The following PLEKHM3 variants were observed in gnomAD, a reference collection of about 807,000 sequenced individuals.
The protein encoded by PLEKHM3 is pleckstrin homology domain containing M3.
A neutral mutation model predicts 81.8 loss-of-function variants in PLEKHM3; 45 were observed. That is an observed-to-expected ratio of 0.55 (90% CI 0.43 to 0.71). The LOEUF (loss-of-function observed/expected upper bound fraction) is 0.71, where lower values mean the gene tolerates loss of function less well. PLEKHM3 is among the 30% of genes least tolerant of loss of function. The probability of loss-of-function intolerance (pLI) is 0.00; values close to 1 mark genes in which losing one functional copy is unlikely to be tolerated. For synonymous variants in PLEKHM3, 352 were observed against 356.4 expected (o/e 0.99, Z 0.14); for missense variants, 788 against 924.3 (o/e 0.85, Z 1.91).
intron 7 of PLEKHM3, among the ~76,000 whole-genome samples, chr2:207,837,491 T>C (rs1284031102): frequency 2.0e-5 from 3 of 151,872 alleles, no homozygotes; most frequent in Non-Finnish European, 4.4e-5. Flanking sequence ...TCCCGGCTAC[T>C]TGGGAGCCTG....
At chr2:207,861,942 G>A (rs11897892) in intron 6 of PLEKHM3, among the ~76,000 whole-genome samples, 3,591 of 152,228 alleles carry the variant, frequency 0.024, 141 homozygotes, top group African/African-American at 0.081. Context: ...TGGATTCAAC[G>A]TGATGATGAT....
At chr2:207,946,291 C>A in intron 4 of PLEKHM3, 76 bp downstream of exon 4, 2 of 1,497,954 alleles carry the variant, frequency 1.3e-6, no homozygotes, top group Non-Finnish European at 1.8e-6. Context: ...TGTTTGATCA[C>A]CATCTTTATA....
rs200896303 is a variant in PLEKHM3, at chr2:207,861,116, A to C, written c.2097T>G (p.Ile699Met). The C allele has an allele frequency of 1.6e-4, 256 of 1,613,050 alleles. 2 individuals are homozygous for C. In the Middle Eastern group the frequency reaches 4.5e-3, roughly 28 times the overall value. The change falls in exon 7 of 8, where the codon ATT (isoleucine) becomes ATG (methionine). Residue 699 changes from isoleucine (I) to methionine (M), a missense_variant. Coordinates refer to ENST00000427836, the MANE Select transcript of PLEKHM3 (RefSeq NM_001080475.3). ...AAGATATTCTGTACCTGCTTGTTGA[A>C]ATATCCTCAAAAGGGTAGAGGATCT... ...NGEILYPFED[I>M]STSRCESCGA...
intron 6 of PLEKHM3, among the ~76,000 whole-genome samples, chr2:207,881,444 G>A (rs1356043910): frequency 6.6e-6 from 1 of 152,056 alleles, no homozygotes; most frequent in Non-Finnish European, 1.5e-5. Context: ...CATCATTATG[G>A]GGGTCTTACT....
In PLEKHM3 at chr2:207,892,371, T is replaced by C. The variant is rs187738073; in HGVS notation, c.1950+16143A>G. ...CCATACCAATGCATCATAATCATTT[T>C]TGATTGGTTACATTTCGCAGATTGC... On this transcript the variant is annotated intron_variant, in intron 6 of 7. Transcript: ENST00000427836. Among the ~76,000 whole-genome samples, 24 of 152,332 alleles carry C rather than the reference T, an allele frequency of 1.6e-4. 1 individual carries two copies. Among genetic ancestry groups the C allele is most frequent in the African/African-American group, 5.8e-4 (24 of 41,582 alleles).
In PLEKHM3 at chr2:207,827,073, C is replaced by A. The variant is rs1415213618; in HGVS notation, c.*1246G>T. 1 of 151,552 alleles carries A rather than the reference C, an allele frequency of 6.6e-6. No homozygotes were observed. The highest frequency in any genetic ancestry group is 1.5e-5 in the Non-Finnish European group (1 of 67,952). 9.4% of individuals were successfully genotyped at this position (151,552 alleles called of 1,614,324 possible). A position where few individuals can be genotyped will look rare whatever the true frequency, so the allele number is the denominator to read the frequency against. On this transcript the variant is annotated 3_prime_UTR_variant, in exon 8 of 8. Transcript: ENST00000427836. ...CACTCTTTGTTTTACTTCAAGGTGG[C>A]AATTATATATGTGTGTGTATATATA...
chr2:207,995,714 C>CATT (rs1432238565), intron 2 of PLEKHM3, among the ~76,000 whole-genome samples: 1 of 152,160 alleles, frequency 6.6e-6, no homozygotes, highest in East Asian at 1.9e-4. Context: ...CTGCCACTGC[C>CATT]ATTATTATTA....
Position 207,843,811 on chromosome 2 carries a change from C to T in PLEKHM3, c.2109-15315G>A, listed in dbSNP as rs753217544. Among the ~76,000 whole-genome samples, 6 of 152,082 alleles carry T rather than the reference C, an allele frequency of 3.9e-5. No individual in the cohort carries two copies. The highest frequency in any genetic ancestry group is 8.8e-5 in the Non-Finnish European group (6 of 68,018). ...CTGGAAAAAAACGTGGAATTTGGGG[C>T]GGGAGTGGTGGCTCATGCCTGTAAT... On this transcript the variant is annotated intron_variant, in intron 7 of 7. Transcript: ENST00000427836. This position sits in a 1 kb window ranked among gnomAD's most constrained non-coding sequence, Gnocchi z 4.4.
chr2:207,937,068 A>T (rs920882090), intron 4 of PLEKHM3, among the ~76,000 whole-genome samples: 1 of 152,138 alleles, frequency 6.6e-6, no homozygotes, highest in Non-Finnish European at 1.5e-5. Flanking sequence ...CTCTGAGAAG[A>T]ATGGGGTGAG....
At chr2:207,907,464 T>G (rs1688647969) in intron 6 of PLEKHM3, among the ~76,000 whole-genome samples, 1 of 151,832 alleles carries the variant, frequency 6.6e-6, no homozygotes, top group Non-Finnish European at 1.5e-5. Flanking sequence ...ACCATGCCAC[T>G]GCACTCCAGC....
intron 1 of PLEKHM3, among the ~76,000 whole-genome samples, chr2:208,023,606 C>G (rs778248864): frequency 6.6e-6 from 1 of 152,004 alleles, no homozygotes; most frequent in African/African-American, 2.4e-5. Flanking sequence ...ACTGTGCGTG[C>G]GAGGGATCTA....
chr2:207,971,833 T>A (rs1691131246), intron 3 of PLEKHM3, among the ~76,000 whole-genome samples: 1 of 152,254 alleles, frequency 6.6e-6, no homozygotes, highest in Non-Finnish European at 1.5e-5. Context: ...TGTTCCTACA[T>A]ACCATTCCCA....
chr2:207,945,991 C>G (rs747752406), intron 4 of PLEKHM3, among the ~76,000 whole-genome samples: 11 of 152,010 alleles, frequency 7.2e-5, no homozygotes, highest in African/African-American at 2.7e-4. Flanking sequence ...TTATATAAGG[C>G]CTTGCCTAGA....
chr2:208,024,290 G>C (rs1217708576), intron 1 of PLEKHM3, among the ~76,000 whole-genome samples: 1 of 152,128 alleles, frequency 6.6e-6, no homozygotes, highest in East Asian at 1.9e-4. Flanking sequence ...ACTAGGAAGT[G>C]ACCAAGCAGG....
rs754850646 is a variant in PLEKHM3 at position 207,977,207 on chromosome 2, A to G, written c.990T>C (p.His330=). 4 of 1,614,092 alleles carry G rather than the reference A, an allele frequency of 2.5e-6. No individual in the cohort carries two copies. Among genetic ancestry groups the G allele is most frequent in the Non-Finnish European group, 3.4e-6 (4 of 1,180,032 alleles). Reference sequence around the variant, plus strand: ...AACTATGATTCTGTGTATAGTCATCATGATGGCCAAGCCCTGGTGAGATTG... The same window carrying G: ...AACTATGATTCTGTGTATAGTCATCGTGATGGCCAAGCCCTGGTGAGATTG... ...ELTISPGLGH[H]DDYTQNHSFQ... Residue 330 remains histidine (H), a synonymous_variant, in exon 3 of 8, where the codon CAT becomes CAC. Transcript: ENST00000427836.
chr2:207,978,590 T>C (rs1691406461), intron 2 of PLEKHM3, among the ~76,000 whole-genome samples: 2 of 152,144 alleles, frequency 1.3e-5, no homozygotes, highest in South Asian at 2.1e-4. Flanking sequence ...TTCTGTCTAG[T>C]AATCAGAGAT....
chr2:207,893,813 C>CAAAACA (rs1688138359), intron 6 of PLEKHM3, among the ~76,000 whole-genome samples: 1 of 151,970 alleles, frequency 6.6e-6, no homozygotes, highest in African/African-American at 2.4e-5. Flanking sequence ...TTTTGAAAAA[C>CAAAACA]AAAACAAAAA....
chr2:207,893,904 T>C (rs1401990744), intron 6 of PLEKHM3, among the ~76,000 whole-genome samples: 1 of 152,030 alleles, frequency 6.6e-6, no homozygotes, highest in Non-Finnish European at 1.5e-5. Context: ...TCACTTGAGC[T>C]CAGGAGTTCG....
chr2:207,954,832 C>T (rs1690452093), intron 3 of PLEKHM3, among the ~76,000 whole-genome samples: 1 of 152,144 alleles, frequency 6.6e-6, no homozygotes, highest in Non-Finnish European at 1.5e-5. Context: ...TATAAACTTG[C>T]TAAACTCTAC....
Sources: allele counts gnomAD v4.1 joint callset (sites outside exome capture counted in the v4.1 genomes callset), GRCh38; gene constraint gnomAD v4.1.1; non-coding constraint Gnocchi (gnomAD v3.1); transcripts MANE v1.5; gene names NCBI Gene and HGNC (gene_info 2026-07-23, HGNC 2026-07-21).